Variants in MYOM2 observed in about 807,000 individuals in gnomAD.
The protein encoded by MYOM2 is myomesin-2.
Under a neutral mutation model 187.6 loss-of-function variants are expected in MYOM2, and 254 were observed. The observed-to-expected ratio is 1.35, with a 90% confidence interval of 1.22 to 1.50. The LOEUF (loss-of-function observed/expected upper bound fraction) is 1.50, where lower values mean the gene tolerates loss of function less well. Ranked by LOEUF, MYOM2 falls within the 40% of genes most tolerant of loss-of-function variation. MYOM2 has a pLI of 0.00. For missense variants in MYOM2, 2,796 were observed against 1,924.0 expected (o/e 1.45, Z -8.48); for synonymous variants, 981 against 753.8 (o/e 1.30, Z -4.94).
In MYOM2 at chr8:2,072,483, A is replaced by G; in HGVS notation, c.932A>G (p.Gln311Arg). 6.2e-7 allele frequency: 1 copy of G among 1,613,820 alleles called. No homozygotes were observed. Among genetic ancestry groups the G allele is most frequent in the Non-Finnish European group, 8.5e-7 (1 of 1,180,040 alleles). Residue 311 changes from glutamine to arginine, a missense_variant, in exon 9 of 37, where the codon CAG becomes CGG. By Grantham distance (43) the Gln-to-Arg change is conservative. Transcript: ENST00000262113. ...GTGACGCCGGACCTGAAGCGGGTGC[A>G]GCCGCGCGCCGAGTGGTACCGCGAT... ...MLVTPDLKRV[Q>R]PRAEWYRDDV...
At position 2,094,102 on chromosome 8, in the gene MYOM2, C is replaced by G; in HGVS notation, c.2125+11C>G. On this transcript the variant is annotated intron_variant, in intron 17 of 36. Coordinates refer to ENST00000262113, the MANE Select transcript of MYOM2 (RefSeq NM_003970.4). ...TGCAGGCCGCACTCAGTAAGTCACT[C>G]ACAGGCTGTTGTGTGCCGATTGCTC... 1.2e-6 allele frequency: 2 copies of G among 1,613,956 alleles called. No individual in the cohort carries two copies. Among genetic ancestry groups the G allele is most frequent in the Non-Finnish European group, 1.7e-6 (2 of 1,179,952 alleles).
chr8:2,089,260 A>G (rs571641478), intron 14 of MYOM2, among the ~76,000 whole-genome samples: 3 of 24,744 alleles, frequency 1.2e-4, no homozygotes, highest in Non-Finnish European at 4.7e-4. Context: ...AAAGATAAAA[A>G]TTAAACAAGC....
At chr8:2,105,525 T>C (rs1796860003) in intron 21 of MYOM2, among the ~76,000 whole-genome samples, 2 of 152,118 alleles carry the variant, frequency 1.3e-5, no homozygotes, top group African/African-American at 2.4e-5. Context: ...AGGGGGAGCT[T>C]CATGGTGGGC....
rs1404578825 is a variant in MYOM2 at position 2,106,324 on chromosome 8, T to C, written c.2817T>C (p.Ser939=). 2 of 1,614,176 alleles carry C rather than the reference T, an allele frequency of 1.2e-6. No individual in the cohort carries two copies. The highest frequency in any genetic ancestry group is 2.2e-5 in the East Asian group (1 of 44,886). Reference sequence around the variant, plus strand: ...ACTGCCAGGAAATGACAGACGCGTCTCAGTTCACCTGGTGTAAATCCTACG... The same window carrying C: ...ACTGCCAGGAAATGACAGACGCGTCCCAGTTCACCTGGTGTAAATCCTACG... ...GFDCQEMTDA[S]QFTWCKSYEE... The change falls in exon 22 of 37, where the codon TCT becomes TCC. Residue 939 remains serine (S), a synonymous_variant. Coordinates refer to ENST00000262113, the MANE Select transcript of MYOM2 (RefSeq NM_003970.4).
intron 25 of MYOM2, among the ~76,000 whole-genome samples, chr8:2,111,979 T>C (rs1378413276): frequency 3.9e-5 from 6 of 152,238 alleles, no homozygotes; most frequent in Non-Finnish European, 1.5e-5. Context: ...AAACCTGGGG[T>C]AGGAGTGGAG....
chr8:2,114,134 A>G (rs571231538), intron 25 of MYOM2, among the ~76,000 whole-genome samples: 22 of 152,350 alleles, frequency 1.4e-4, no homozygotes, highest in Admixed American at 3.3e-4. Context: ...TGAGGTGGCC[A>G]CGACAAGGAT....
Position 2,070,553 on chromosome 8 carries a change from G to A in MYOM2, c.793+1056G>A, listed in dbSNP as rs139982805. On this transcript the variant is annotated intron_variant, in intron 8 of 36. Coordinates refer to ENST00000262113, the MANE Select transcript of MYOM2 (RefSeq NM_003970.4). ...CCTCAGGACAGCACAGAGTCTGTGTGGAGAGTTGCCCCAGGCACTGATGAG... is the reference window on the plus strand; with the variant it reads ...CCTCAGGACAGCACAGAGTCTGTGTAGAGAGTTGCCCCAGGCACTGATGAG... 1.5e-3 allele frequency among the ~76,000 whole-genome samples: 230 copies of A among 152,286 alleles called. 1 individual carries two copies. Among genetic ancestry groups the A allele is most frequent in the African/African-American group, 5.4e-3 (223 of 41,572 alleles).
intron 19 of MYOM2, among the ~76,000 whole-genome samples, chr8:2,099,529 G>A (rs1796612623): frequency 6.6e-6 from 1 of 152,148 alleles, no homozygotes; most frequent in Non-Finnish European, 1.5e-5. Context: ...GGGATCTCGG[G>A]GCTTCTGCTT....
chr8:2,079,063 G>A, intron 12 of MYOM2, 130 bp downstream of exon 12: 2 of 831,048 alleles, frequency 2.4e-6, no homozygotes, highest in Non-Finnish European at 3.8e-6. Context: ...GCATAGCACA[G>A]GCTGTTACAA....
intron 27 of MYOM2, 84 bp from the exon 28 acceptor site, chr8:2,117,801 G>A (rs529700833): frequency 2.0e-5 from 17 of 834,298 alleles, no homozygotes; most frequent in Non-Finnish European, 3.2e-5. Flanking sequence ...GCATATATGT[G>A]TGGGTATATA....
chr8:2,131,385 G>C (rs1215563979), intron 32 of MYOM2, among the ~76,000 whole-genome samples: 9 of 152,014 alleles, frequency 5.9e-5, no homozygotes, highest in Admixed American at 5.9e-4. Context: ...TTTGAACGCT[G>C]GCTGGTCTGG....
At chr8:2,143,482 T>TG (rs1331358560) in intron 36 of MYOM2, 26 bp downstream of exon 36, 3 of 1,613,478 alleles carry the variant, frequency 1.9e-6, no homozygotes, top group Admixed American at 3.3e-5. Context: ...TCGGCCGGGG[T>TG]GGGGGTGTCA....
Position 2,096,330 on chromosome 8 carries a change from A to T in MYOM2, c.2209A>T (p.Ser737Cys). 6.2e-7 allele frequency: 1 copy of T among 1,614,208 alleles called. No individual in the cohort carries two copies. The highest frequency in any genetic ancestry group is 8.5e-7 in the Non-Finnish European group (1 of 1,180,030). Residue 737 changes from serine to cysteine, a missense_variant, in exon 18 of 37, where the codon AGT (serine) becomes TGT (cysteine). Physicochemically the swap from Ser to Cys is moderately radical, Grantham distance 112. Coordinates refer to ENST00000262113, the MANE Select transcript of MYOM2 (RefSeq NM_003970.4). ...MTLGWKVPKFSGGSPILGYYL... is the reference protein window; with the variant it reads ...MTLGWKVPKFCGGSPILGYYL... ...CCTCGGCTGGAAGGTCCCGAAATTC[A>T]GTGGTGGCTCGCCCATCCTGGGCTA... is the stretch of plus-strand genomic sequence containing the variant.
intron 18 of MYOM2, chr8:2,097,013 C>A: frequency 1.8e-6 from 1 of 569,392 alleles, no homozygotes; most frequent in Non-Finnish European, 2.2e-6. Flanking sequence ...CCCTGTCCGG[C>A]CCTTGACCCC....
chr8:2,124,010 G>A (rs1355000165), intron 30 of MYOM2, among the ~76,000 whole-genome samples, 169 bp from the exon 31 acceptor site: 4 of 152,214 alleles, frequency 2.6e-5, no homozygotes, highest in African/African-American at 9.6e-5. Context: ...GAATAGGTTA[G>A]AAGGATTTAT....
intron 26 of MYOM2, 38 bp downstream of exon 26, chr8:2,116,142 A>G: frequency 6.2e-7 from 1 of 1,603,876 alleles, no homozygotes; most frequent in South Asian, 1.1e-5. Context: ...CATACAAGAT[A>G]ATTCAAATGA....
At chr8:2,091,428 TCCCTGGA>T in intron 15 of MYOM2, among the ~76,000 whole-genome samples, 1 of 152,238 alleles carries the variant, frequency 6.6e-6, no homozygotes, top group African/African-American at 2.4e-5. Context: ...TGAATTGCAA[TCCCTGGA>T]GTCATAACTC....
At chr8:2,102,874 T>A (rs1796756605) in intron 21 of MYOM2, 93 bp downstream of exon 21, 1 of 1,013,718 alleles carries the variant, frequency 9.9e-7, no homozygotes, top group East Asian at 2.6e-5. Flanking sequence ...TGTGGATAAA[T>A]GAGTGGGAGA....
intron 13 of MYOM2, among the ~76,000 whole-genome samples, chr8:2,082,400 T>C (rs923870218): frequency 3.3e-5 from 5 of 152,252 alleles, no homozygotes; most frequent in African/African-American, 1.2e-4. Flanking sequence ...AGCTGATTTT[T>C]TTTTCTTTTA....
Sources: allele counts gnomAD v4.1 joint callset (sites outside exome capture counted in the v4.1 genomes callset), GRCh38; gene constraint gnomAD v4.1.1; transcripts MANE v1.5; gene names NCBI Gene and HGNC (gene_info 2026-07-23, HGNC 2026-07-21).